ZNF385D: variants seen among roughly 807,000 people sequenced by gnomAD.
The protein encoded by ZNF385D is zinc finger protein 385D, also known as zinc finger protein 659.
A neutral mutation model predicts 35.8 loss-of-function variants in ZNF385D; 15 were observed. The observed-to-expected ratio is 0.42, with a 90% CI of 0.28 to 0.64. ZNF385D has a LOEUF of 0.64. Ranked by LOEUF, ZNF385D falls within the 30% of genes least tolerant of loss-of-function variation. The pLI, the probability that ZNF385D is intolerant of heterozygous loss-of-function variation, is 0.23. For synonymous variants in ZNF385D, 212 were observed against 186.8 expected (o/e 1.13, Z -1.10); for missense variants, 474 against 494.6 (o/e 0.96, Z 0.39).
chr3:22,301,802 TA>T (rs1702915869), intron 2 of ZNF385D, among the ~76,000 whole-genome samples: 1 of 152,100 alleles, frequency 6.6e-6, no homozygotes, highest in Non-Finnish European at 1.5e-5. Flanking sequence ...AAATACATGT[TA>T]TGCAGCAATA....
chr3:21,672,144 C>T (rs2066595256), intron 1 of ZNF385D, among the ~76,000 whole-genome samples: 1 of 152,120 alleles, frequency 6.6e-6, no homozygotes. Context: ...ATCCAAACTC[C>T]ATCCAGTTCC....
chr3:21,960,203 T>TAAACACACACACACACAC (rs111918437), intron 3 of ZNF385D, among the ~76,000 whole-genome samples: 1 of 149,372 alleles, frequency 6.7e-6, no homozygotes, highest in Non-Finnish European at 1.5e-5. Context: ...TAAACAGCAA[T>TAAACACACACACACACAC]ACACACACAC....
chr3:21,670,878 C>CA lies in ZNF385D; in HGVS notation c.23-5851dup, dbSNP rs201352013. 4.0e-4 allele frequency among the ~76,000 whole-genome samples: 60 copies of CA among 151,390 alleles called. 1 individual carries two copies. The South Asian group carries it at 0.01, about 26-fold the overall frequency. On this transcript the variant is annotated intron_variant, in intron 1 of 7. Coordinates refer to ENST00000281523, the MANE Select transcript of ZNF385D (RefSeq NM_024697.3). ...GATGCTGCTCCGTTTTAAGTTTCCA[C>CA]AAAAAAAATGGACCAGCATTCCTTG...
At chr3:21,471,917 A>G (rs1006325642) in intron 4 of ZNF385D, among the ~76,000 whole-genome samples, 11 of 152,288 alleles carry the variant, frequency 7.2e-5, no homozygotes, top group African/African-American at 1.7e-4. Context: ...TATTACATAC[A>G]TAAGTTCAGA....
chr3:22,142,935 A>G (rs1013121770), intron 3 of ZNF385D, among the ~76,000 whole-genome samples: 21 of 151,952 alleles, frequency 1.4e-4, no homozygotes, highest in Non-Finnish European at 1.8e-4. Flanking sequence ...ATACTGCACT[A>G]TTACTTGTAG....
chr3:22,300,047 A>T (rs1325880938), intron 2 of ZNF385D, among the ~76,000 whole-genome samples: 2 of 151,974 alleles, frequency 1.3e-5, no homozygotes, highest in Non-Finnish European at 2.9e-5. Context: ...ACATGACTTG[A>T]CTTTAAAATA....
rs569359019 is a variant in ZNF385D at position 21,892,134 on chromosome 3, GA to G, written c.326-227107del. On this transcript the variant is annotated intron_variant, in intron 3 of 5. Transcript: ENST00000494108. The stretch of plus-strand genomic sequence containing the variant: ...TCGTGGGATAGGAAGCATTCTGAAT[GA>G]AAATATCACTACAAGCAATGGAAAT... Among the ~76,000 whole-genome samples the G allele has an allele frequency of 8.5e-4, 129 of 152,248 alleles. 1 individual carries two copies. Among genetic ancestry groups the G allele is most frequent in the African/African-American group, 2.7e-3 (112 of 41,538 alleles).
intron 3 of ZNF385D, among the ~76,000 whole-genome samples, chr3:22,019,072 A>T: frequency 1.4e-5 from 1 of 73,694 alleles, no homozygotes; most frequent in Non-Finnish European, 2.6e-5. Flanking sequence ...TTTTTTATGA[A>T]GGAGGCTATC....
intron 2 of ZNF385D, among the ~76,000 whole-genome samples, chr3:22,364,251 T>G (rs539625140): frequency 4.6e-5 from 7 of 152,084 alleles, no homozygotes; most frequent in Admixed American, 2.6e-4. Flanking sequence ...TGACAAAAAA[T>G]AGACAAATAG....
intron 1 of ZNF385D, among the ~76,000 whole-genome samples, chr3:21,731,375 A>G (rs748271095): frequency 6.6e-6 from 1 of 152,148 alleles, no homozygotes; most frequent in South Asian, 2.1e-4. Context: ...GCTCACAGCC[A>G]TATTGAATGG....
At chr3:21,501,281 T>C (rs1303021068) in intron 4 of ZNF385D, among the ~76,000 whole-genome samples, 1 of 152,130 alleles carries the variant, frequency 6.6e-6, no homozygotes, top group East Asian at 1.9e-4. Context: ...AACTCTCCAC[T>C]CCTTAAAATC....
At chr3:22,014,010 G>A (rs946541794) in intron 3 of ZNF385D, among the ~76,000 whole-genome samples, 29 of 152,114 alleles carry the variant, frequency 1.9e-4, no homozygotes, top group African/African-American at 6.3e-4. Context: ...AGGACAGATT[G>A]CAAAAACAAG....
At chr3:21,792,213 C>T (rs1333293564) in intron 3 of ZNF385D, among the ~76,000 whole-genome samples, 2 of 152,066 alleles carry the variant, frequency 1.3e-5, no homozygotes, top group Admixed American at 1.3e-4. Flanking sequence ...CATTCTGATG[C>T]CCCTCTTGAT....
chr3:21,621,577 G>GTGTGTGTGTT (rs1264054350), intron 2 of ZNF385D, among the ~76,000 whole-genome samples: 4 of 151,164 alleles, frequency 2.6e-5, no homozygotes, highest in Non-Finnish European at 5.9e-5. Context: ...GTGTGTGTGT[G>GTGTGTGTGTT]TGTGTGTGTG....
intron 2 of ZNF385D, among the ~76,000 whole-genome samples, chr3:22,204,074 C>T (rs189436831): frequency 1.3e-5 from 2 of 152,094 alleles, no homozygotes; most frequent in African/African-American, 4.8e-5. Flanking sequence ...CAGCACAATC[C>T]CAATGGTGGT....
chr3:22,068,582 C>A (rs887356160), intron 3 of ZNF385D, among the ~76,000 whole-genome samples: 1 of 152,176 alleles, frequency 6.6e-6, no homozygotes, highest in Non-Finnish European at 1.5e-5. Context: ...TGGCTTCCTA[C>A]AGGTTCAACA....
intron 3 of ZNF385D, among the ~76,000 whole-genome samples, chr3:21,774,865 T>C (rs1035436672): frequency 2.0e-5 from 3 of 151,794 alleles, no homozygotes; most frequent in Non-Finnish European, 4.4e-5. Flanking sequence ...AACAGGGAAA[T>C]AGAATGACAT....
intron 4 of ZNF385D, among the ~76,000 whole-genome samples, chr3:21,442,886 A>AGTGTGTGTGTGTGT (rs4045435): frequency 4.3e-4 from 64 of 147,258 alleles, no homozygotes; most frequent in South Asian, 2.2e-3. Flanking sequence ...TCTGTGTATA[A>AGTGTGTGTGTGTGT]GTGTGTGTGT....
intron 1 of ZNF385D, among the ~76,000 whole-genome samples, chr3:21,703,795 T>G (rs1322299475): frequency 5.9e-5 from 9 of 152,184 alleles, no homozygotes; most frequent in African/African-American, 1.9e-4. Flanking sequence ...CTTCTCTTCT[T>G]GACCTTTGGG....
Sources: allele counts gnomAD v4.1 joint callset (sites outside exome capture counted in the v4.1 genomes callset), GRCh38; gene constraint gnomAD v4.1.1; transcripts MANE v1.5; gene names NCBI Gene and HGNC (gene_info 2026-07-23, HGNC 2026-07-21).